The following SPAG16 variants were observed in gnomAD, a reference collection of about 807,000 sequenced individuals.
The protein encoded by SPAG16 is sperm associated antigen 16, also known as sperm-associated antigen 16 protein.
A neutral mutation model predicts 80.4 loss-of-function variants in SPAG16; 86 were observed. The observed-to-expected ratio is 1.07, with a 90% confidence interval of 0.90 to 1.28. The LOEUF is 1.28. Ranked by LOEUF, SPAG16 falls within the 50% of genes most tolerant of loss-of-function variation. The pLI is 0.00. For synonymous variants in SPAG16, 294 were observed against 265.9 expected, an observed-to-expected ratio of 1.11 and a Z score of -1.03; for missense variants, 870 against 765.3, an observed-to-expected ratio of 1.14 and a Z score of -1.61.
chr2:213,367,011 C>G (rs187045468), intron 8 of SPAG16, among the ~76,000 whole-genome samples: 5 of 152,184 alleles, frequency 3.3e-5, no homozygotes, highest in Admixed American at 2.6e-4. Context: ...TTGTTCAATT[C>G]CCACCTGTGA....
intron 9 of SPAG16, among the ~76,000 whole-genome samples, chr2:213,419,962 G>A (rs1046229656): frequency 5.3e-5 from 8 of 152,162 alleles, no homozygotes; most frequent in Admixed American, 2.6e-4. Flanking sequence ...GTAGATGAAC[G>A]TATGACAGGT....
intron 10 of SPAG16, among the ~76,000 whole-genome samples, chr2:213,511,642 G>C (rs1575794831): frequency 6.6e-6 from 1 of 151,384 alleles, no homozygotes; most frequent in African/African-American, 2.4e-5. Flanking sequence ...GTTTTTCTCT[G>C]GTATTTCTTA....
At chr2:213,898,657 T>C (rs2077091587) in intron 11 of SPAG16, among the ~76,000 whole-genome samples, 1 of 152,162 alleles carries the variant, frequency 6.6e-6, no homozygotes, top group Non-Finnish European at 1.5e-5. Context: ...CTTCTTTCTT[T>C]TATTTATACT....
intron 15 of SPAG16, among the ~76,000 whole-genome samples, chr2:214,353,063 C>A (rs1283931253): frequency 6.6e-6 from 1 of 152,040 alleles, no homozygotes; most frequent in Non-Finnish European, 1.5e-5. Context: ...CTACTTGCAT[C>A]TTCTCTGGTT....
At chr2:214,276,350 G>A (rs1490652644) in intron 15 of SPAG16, among the ~76,000 whole-genome samples, 3 of 152,180 alleles carry the variant, frequency 2.0e-5, no homozygotes, top group Non-Finnish European at 2.9e-5. Flanking sequence ...ATGTAAGCTG[G>A]TTATCTTGCC....
chr2:213,877,713 C>A (rs539033428), intron 11 of SPAG16, among the ~76,000 whole-genome samples: 1 of 151,930 alleles, frequency 6.6e-6, no homozygotes, highest in Non-Finnish European at 1.5e-5. Flanking sequence ...ATTTCCAACA[C>A]CTTATGGCAC....
chr2:214,289,418 T>G (rs1362381703), intron 15 of SPAG16, among the ~76,000 whole-genome samples: 3 of 152,184 alleles, frequency 2.0e-5, no homozygotes, highest in East Asian at 3.8e-4. Context: ...TTTCTATATA[T>G]AGAGAGCAGT....
At chr2:213,862,837 G>C (rs898016227) in intron 11 of SPAG16, among the ~76,000 whole-genome samples, 3 of 152,112 alleles carry the variant, frequency 2.0e-5, no homozygotes, top group African/African-American at 7.2e-5. Flanking sequence ...GTAAAACTTA[G>C]TCCACATGCT....
intron 12 of SPAG16, among the ~76,000 whole-genome samples, chr2:213,993,245 T>C (rs1329930319): frequency 6.6e-6 from 1 of 152,220 alleles, no homozygotes; most frequent in Non-Finnish European, 1.5e-5. Flanking sequence ...GAGGAATTGA[T>C]TGCCTGACAT....
chr2:214,151,215 A>G (rs1276429529), intron 15 of SPAG16, among the ~76,000 whole-genome samples: 1 of 152,030 alleles, frequency 6.6e-6, no homozygotes, highest in African/African-American at 2.4e-5. Flanking sequence ...CAAGTCCTCA[A>G]TGACTCTTCA....
intron 4 of SPAG16, among the ~76,000 whole-genome samples, chr2:213,315,659 C>CA (rs2063370896): frequency 6.6e-6 from 1 of 150,762 alleles, no homozygotes; most frequent in Admixed American, 6.7e-5. Context: ...GACGTACTCT[C>CA]AGTTTGGCTT....
At chr2:214,229,151 G>T (rs1363461799) in intron 15 of SPAG16, among the ~76,000 whole-genome samples, 1 of 147,960 alleles carries the variant, frequency 6.8e-6, no homozygotes, top group African/African-American at 2.5e-5. Flanking sequence ...ACCACGAGAA[G>T]CAGGAAAAAA....
At position 214,149,166 on chromosome 2, in the gene SPAG16, C is replaced by T; in HGVS notation, c.1620C>T (p.Ala540=). 6.3e-7 allele frequency: 1 copy of T among 1,585,956 alleles called. No individual in the cohort carries two copies. The highest frequency in any genetic ancestry group is 1.1e-5 in the South Asian group (1 of 89,216). The part of the protein sequence containing the change: ...PRGHMIASCD[A]CGVTKLWDFR... ...GTCACATGATAGCATCCTGTGATGC[C>T]TGTGGGGTTACAAAGCTGTGGGACT... Residue 540 remains alanine (A), a synonymous_variant, in exon 15 of 16, where the codon GCC becomes GCT. Transcript: ENST00000331683.
chr2:213,608,992 A>G (rs2061357645), intron 10 of SPAG16, among the ~76,000 whole-genome samples: 1 of 152,220 alleles, frequency 6.6e-6, no homozygotes, highest in Admixed American at 6.5e-5. Flanking sequence ...TGGGTATTGT[A>G]CTTTCAAAGA....
At chr2:214,395,567 T>C (rs1701317364) in intron 15 of SPAG16, among the ~76,000 whole-genome samples, 1 of 152,172 alleles carries the variant, frequency 6.6e-6, no homozygotes, top group Admixed American at 6.5e-5. Flanking sequence ...ATGTGCAGAT[T>C]TGTGATATAG....
intron 10 of SPAG16, among the ~76,000 whole-genome samples, chr2:213,699,382 A>T (rs1405582263): frequency 6.6e-6 from 1 of 152,062 alleles, no homozygotes; most frequent in Non-Finnish European, 1.5e-5. Flanking sequence ...CTTTTTCATT[A>T]TGATTTATAG....
intron 15 of SPAG16, among the ~76,000 whole-genome samples, chr2:214,298,001 T>A (rs1161751958): frequency 6.6e-6 from 1 of 151,202 alleles, no homozygotes; most frequent in Non-Finnish European, 1.5e-5. Context: ...GTTTGTGTCA[T>A]CTGCAATTTC....
rs748200040 is a variant in SPAG16 at position 213,686,674 on chromosome 2, C to CTTTT, written c.1071-175784_1071-175781dup. ...TTGGTATGGTTAGGTATTAATCCAC[C>CTTTT]TTTTTTTTTTTTTTTTTTTTTTTTT... On this transcript the variant is annotated intron_variant, in intron 10 of 15. Coordinates refer to ENST00000331683, the MANE Select transcript of SPAG16 (RefSeq NM_024532.5). Among the ~76,000 whole-genome samples, 25 of 86,146 alleles carry CTTTT rather than the reference C, an allele frequency of 2.9e-4. 1 individual carries two copies. Among genetic ancestry groups the CTTTT allele is most frequent in the Non-Finnish European group, 3.9e-4 (16 of 40,848 alleles). 56.5% of individuals were successfully genotyped at this position (86,146 alleles called of 152,430 possible).
intron 13 of SPAG16, among the ~76,000 whole-genome samples, chr2:214,024,119 C>T (rs936695954): frequency 2.6e-5 from 4 of 151,582 alleles, no homozygotes; most frequent in Non-Finnish European, 5.9e-5. Context: ...ATTCTTAATA[C>T]TCCTGTCATA....
Sources: gnomAD v4.1 joint callset for allele counts (sites outside exome capture counted in the v4.1 genomes callset) on GRCh38, gnomAD v4.1.1 for gene constraint, MANE v1.5 for transcripts, NCBI Gene and HGNC (gene_info 2026-07-23, HGNC 2026-07-21) for gene names.